NAALADL2: variants seen among roughly 807,000 people sequenced by gnomAD.
NAALADL2 encodes inactive N-acetylated-alpha-linked acidic dipeptidase-like protein 2.
NAALADL2 carries 76 observed loss-of-function variants against 87.2 expected under a neutral mutation model. The ratio of observed to expected loss-of-function variants is 0.87; its 90% confidence interval spans 0.72 to 1.05. The LOEUF (loss-of-function observed/expected upper bound fraction) is 1.05. Among genes scored for constraint, NAALADL2 ranks in the 50% least tolerant of loss-of-function variants. The pLI is 0.00. For synonymous variants in NAALADL2, 354 were observed against 331.0 expected (o/e 1.07, Z -0.75); for missense variants, 1,089 against 945.8 (o/e 1.15, Z -1.99).
intron 5 of NAALADL2, among the ~76,000 whole-genome samples, chr3:175,434,674 G>T (rs80316697): frequency 0.042 from 6,382 of 151,972 alleles, 333 homozygotes; most frequent in East Asian, 0.14. Flanking sequence ...TAGTTTATTT[G>T]CTATCTGTTA....
At chr3:174,874,690 G>A (rs1579302178) in intron 1 of NAALADL2, among the ~76,000 whole-genome samples, 1 of 152,130 alleles carries the variant, frequency 6.6e-6, no homozygotes, top group South Asian at 2.1e-4. Context: ...GCAATTCAAG[G>A]TATATTTTTT....
chr3:174,966,340 A>C (rs1319866582), intron 1 of NAALADL2, among the ~76,000 whole-genome samples: 2 of 152,184 alleles, frequency 1.3e-5, no homozygotes, highest in African/African-American at 4.8e-5. Context: ...GTGCATTCAC[A>C]TGATCTGTTT....
intron 10 of NAALADL2, among the ~76,000 whole-genome samples, chr3:175,619,587 T>C (rs1030988897): frequency 2.6e-5 from 4 of 152,060 alleles, no homozygotes; most frequent in Admixed American, 2.0e-4. Context: ...AATCATTATA[T>C]TCTCCTTGCT....
intron 6 of NAALADL2, among the ~76,000 whole-genome samples, chr3:175,459,654 A>G (rs1549109): frequency 0.78 from 117,891 of 152,040 alleles, 45,916 homozygotes; most frequent in East Asian, 0.89. Context: ...AGGGTTCGAT[A>G]TTAACAGGTG....
chr3:175,280,227 G>A (rs148791943), intron 4 of NAALADL2, among the ~76,000 whole-genome samples: 7 of 151,850 alleles, frequency 4.6e-5, no homozygotes, highest in African/African-American at 7.2e-5. Context: ...ATTTTATATC[G>A]ATTTCCTTTT....
At chr3:175,049,526 C>T (rs1305188930) in intron 1 of NAALADL2, among the ~76,000 whole-genome samples, 4 of 152,290 alleles carry the variant, frequency 2.6e-5, no homozygotes, top group South Asian at 2.1e-4. Context: ...CCAATGCTAT[C>T]GTCAGGACTC....
At chr3:175,600,525 C>CTTTTGT (rs1722814697) in intron 10 of NAALADL2, among the ~76,000 whole-genome samples, 1 of 61,040 alleles carries the variant, frequency 1.6e-5, no homozygotes, top group Non-Finnish European at 2.9e-5. Flanking sequence ...GTGTCTTAGT[C>CTTTTGT]TTTTTTTTTT....
At chr3:175,317,136 A>G (rs1759248795) in intron 4 of NAALADL2, among the ~76,000 whole-genome samples, 1 of 152,134 alleles carries the variant, frequency 6.6e-6, no homozygotes, top group Non-Finnish European at 1.5e-5. Context: ...CTATAGAAAA[A>G]TTCACGTTCT....
At chr3:174,755,846 A>G (rs1226950837) in intron 3 of NAALADL2, among the ~76,000 whole-genome samples, 3 of 152,228 alleles carry the variant, frequency 2.0e-5, no homozygotes, top group Admixed American at 1.3e-4. Context: ...TTTAATGTCT[A>G]TGATTTCACT....
chr3:175,017,575 C>A (rs1488436190), intron 1 of NAALADL2, among the ~76,000 whole-genome samples: 1 of 151,950 alleles, frequency 6.6e-6, no homozygotes, highest in African/African-American at 2.4e-5. Flanking sequence ...GTCAGCAGGC[C>A]TGTTTTTATG....
At chr3:175,341,489 A>G (rs1417471806) in intron 5 of NAALADL2, among the ~76,000 whole-genome samples, 1 of 152,104 alleles carries the variant, frequency 6.6e-6, no homozygotes, top group Non-Finnish European at 1.5e-5. Context: ...TTGTGTGAAC[A>G]TATTATGCTT....
chr3:175,501,323 T>G (rs912843084), intron 9 of NAALADL2, among the ~76,000 whole-genome samples: 4 of 152,146 alleles, frequency 2.6e-5, no homozygotes, highest in African/African-American at 4.8e-5. Flanking sequence ...GTAGGTTCCA[T>G]ATATGTGGTG....
At chr3:174,450,913 G>T (rs1303906562) in intron 1 of NAALADL2, among the ~76,000 whole-genome samples, 1 of 150,702 alleles carries the variant, frequency 6.6e-6, no homozygotes, top group African/African-American at 2.4e-5. Context: ...AAAAAGACTG[G>T]GAGGGTCAGT....
At chr3:175,485,968 C>T (rs1407451630) in intron 9 of NAALADL2, among the ~76,000 whole-genome samples, 1 of 152,124 alleles carries the variant, frequency 6.6e-6, no homozygotes, top group Non-Finnish European at 1.5e-5. Flanking sequence ...AGGAGATGGG[C>T]TGACAACAAA....
chr3:174,755,525 T>TAC (rs1427580771), intron 3 of NAALADL2, among the ~76,000 whole-genome samples: 1 of 152,168 alleles, frequency 6.6e-6, no homozygotes, highest in African/African-American at 2.4e-5. Flanking sequence ...AATAAAAAAT[T>TAC]TCGAGCCACC....
At chr3:175,783,302 G>T (rs1029861759) in intron 13 of NAALADL2, among the ~76,000 whole-genome samples, 1 of 151,924 alleles carries the variant, frequency 6.6e-6, no homozygotes, top group African/African-American at 2.4e-5. Flanking sequence ...TGGGCAGTAT[G>T]GCCATTTTCA....
chr3:175,721,965 G>A (rs1742299117), intron 11 of NAALADL2, among the ~76,000 whole-genome samples: 1 of 151,852 alleles, frequency 6.6e-6, no homozygotes, highest in African/African-American at 2.4e-5. Context: ...TTTTGTATAT[G>A]GTATGTTTAC....
intron 1 of NAALADL2, among the ~76,000 whole-genome samples, chr3:174,875,794 GC>G (rs1728433809): frequency 1.3e-5 from 2 of 151,178 alleles, no homozygotes; most frequent in South Asian, 4.2e-4. Flanking sequence ...GTAATATCTT[GC>G]TGGTAACGAT....
rs1284119431 is a variant in NAALADL2 at position 175,061,199 on chromosome 3, G to A, written c.44-35591G>A. ...AAGAGGGCAACAACCTCATTAAAAT[G>A]CCAGACAATATTACCAATGAGAAAA... is the stretch of plus-strand genomic sequence containing the variant. On this transcript the variant is annotated intron_variant, in intron 1 of 13. Coordinates refer to ENST00000454872, the MANE Select transcript of NAALADL2 (RefSeq NM_207015.3). Among the ~76,000 whole-genome samples the A allele has an allele frequency of 1.4e-4, 21 of 152,138 alleles. 1 individual carries two copies. Among genetic ancestry groups the A allele is most frequent in the Admixed American group, 1.4e-3 (21 of 15,262 alleles).
Sources: allele counts gnomAD v4.1 joint callset (sites outside exome capture counted in the v4.1 genomes callset), GRCh38; gene constraint gnomAD v4.1.1; transcripts MANE v1.5; gene names NCBI Gene and HGNC (gene_info 2026-07-23, HGNC 2026-07-21).